Variants in CLSTN2 observed in about 807,000 individuals in gnomAD.
CLSTN2 encodes calsyntenin-2.
CLSTN2 carries 48 observed loss-of-function variants against 101.2 expected under a neutral mutation model. The ratio of observed to expected loss-of-function variants is 0.47; its 90% CI spans 0.38 to 0.60. CLSTN2 has a LOEUF of 0.60. Ranked by LOEUF, CLSTN2 falls within the 20% of genes least tolerant of loss-of-function variation. The pLI, the probability that CLSTN2 is intolerant of heterozygous loss-of-function variation, is 0.00. For synonymous variants in CLSTN2, 481 were observed against 463.6 expected (o/e 1.04, Z -0.48); for missense variants, 1,160 against 1,238.2 (o/e 0.94, Z 0.95).
chr3:139,935,584 T>G lies in CLSTN2; in HGVS notation c.109+101T>G, dbSNP rs1211692607. On this transcript the variant is annotated intron_variant, in intron 1 of 16. Transcript: ENST00000458420. This position sits in a 1 kb window ranked among gnomAD's most constrained non-coding sequence, Gnocchi z 5.5. ...AGGCTCAAGCTGGATTTGCCCACCC[T>G]CCCTTGCCGCAGCTTCTTTGGCCTC... 2 of 549,934 alleles carry G rather than the reference T, an allele frequency of 3.6e-6. No individual in the cohort carries two copies. Among genetic ancestry groups the G allele is most frequent in the Non-Finnish European group, 5.4e-6 (2 of 367,006 alleles). The allele number at this position is 549,934 out of a possible 1,614,324, so 34.1% of individuals were successfully genotyped here.
At chr3:140,344,615 T>C (rs557029968) in intron 2 of CLSTN2, among the ~76,000 whole-genome samples, 16 of 152,300 alleles carry the variant, frequency 1.1e-4, no homozygotes, top group African/African-American at 3.6e-4. Context: ...CTGACTAATT[T>C]CTACTCATCT....
intron 8 of CLSTN2, among the ~76,000 whole-genome samples, chr3:140,522,644 C>T (rs548606803): frequency 1.6e-3 from 242 of 152,346 alleles, no homozygotes; most frequent in Middle Eastern, 3.4e-3. Context: ...AGCCCAACCT[C>T]ACCTCCAGCC....
intron 8 of CLSTN2, among the ~76,000 whole-genome samples, chr3:140,496,210 T>C (rs1442732984): frequency 6.6e-6 from 1 of 152,196 alleles, no homozygotes; most frequent in Non-Finnish European, 1.5e-5. Context: ...TTAGGTATTT[T>C]ATTCTCTTTG....
At chr3:140,071,531 C>A (rs951028955) in intron 1 of CLSTN2, among the ~76,000 whole-genome samples, 3 of 152,094 alleles carry the variant, frequency 2.0e-5, no homozygotes, top group Admixed American at 6.6e-5. Flanking sequence ...TCCATACATA[C>A]ACAATAAAAA....
At chr3:140,097,692 CA>C (rs1409905679) in intron 1 of CLSTN2, among the ~76,000 whole-genome samples, 1 of 152,170 alleles carries the variant, frequency 6.6e-6, no homozygotes, top group Non-Finnish European at 1.5e-5. Flanking sequence ...GCGTCAATTG[CA>C]GTGCAGTTAC....
intron 1 of CLSTN2, among the ~76,000 whole-genome samples, chr3:139,950,417 A>G (rs1455903106): frequency 6.6e-6 from 1 of 152,148 alleles, no homozygotes; most frequent in Non-Finnish European, 1.5e-5. Context: ...TTTTCTCCAA[A>G]TAATGCTGCC....
At chr3:139,936,458 G>A (rs1371324489) in intron 1 of CLSTN2, among the ~76,000 whole-genome samples, 1 of 152,202 alleles carries the variant, frequency 6.6e-6, no homozygotes, top group East Asian at 1.9e-4. Context: ...CATAAGTAGG[G>A]CTTGCGTTTG....
intron 1 of CLSTN2, among the ~76,000 whole-genome samples, chr3:139,995,626 G>A (rs1936189922): frequency 6.6e-6 from 1 of 152,188 alleles, no homozygotes; most frequent in Non-Finnish European, 1.5e-5. Context: ...GGAGAGCTGT[G>A]TGGAAAAGGA....
chr3:140,129,694 G>C (rs1005345100), intron 1 of CLSTN2, among the ~76,000 whole-genome samples: 2 of 152,192 alleles, frequency 1.3e-5, no homozygotes, highest in Admixed American at 1.3e-4. Flanking sequence ...ATGAATGCAT[G>C]TATTGGGGAC....
chr3:140,143,904 C>G (rs147818814), intron 1 of CLSTN2, among the ~76,000 whole-genome samples: 1 of 152,206 alleles, frequency 6.6e-6, no homozygotes, highest in South Asian at 2.1e-4. Flanking sequence ...TGTCAGCTTC[C>G]GCTCTGTAGA....
In CLSTN2 at chr3:140,562,941, T is replaced by G. The variant is rs1025564288; in HGVS notation, c.2343T>G (p.Asn781Lys). The G allele has an allele frequency of 4.6e-5, 75 of 1,613,972 alleles. No homozygotes were observed. The highest frequency in any genetic ancestry group is 6.1e-5 in the Non-Finnish European group (72 of 1,179,998). ...AACTCAATGGGCGCTACACTAGCAATGAGTTCAACTTGGAGGTGAGTGGGT... is the reference window on the plus strand; with the variant it reads ...AACTCAATGGGCGCTACACTAGCAAGGAGTTCAACTTGGAGGTGAGTGGGT... ...CSELNGRYTSNEFNLEVSILH... is the reference protein window; with the variant it reads ...CSELNGRYTSKEFNLEVSILH... The change falls in exon 14 of 17, where the codon AAT becomes AAG. Residue 781 changes from asparagine (N) to lysine (K), a missense_variant. Transcript: ENST00000458420.
chr3:140,405,667 G>A (rs1451923829), intron 4 of CLSTN2, among the ~76,000 whole-genome samples: 1 of 152,146 alleles, frequency 6.6e-6, no homozygotes, highest in Non-Finnish European at 1.5e-5. Flanking sequence ...AAGCCATTTG[G>A]ACATTTCCCC....
chr3:139,968,866 C>T (rs909133270), intron 1 of CLSTN2, among the ~76,000 whole-genome samples: 4 of 152,236 alleles, frequency 2.6e-5, no homozygotes, highest in African/African-American at 9.6e-5. Flanking sequence ...TAAGTCGGTT[C>T]GCCAGCAACA....
chr3:140,037,315 C>T (rs542720311), intron 1 of CLSTN2, among the ~76,000 whole-genome samples: 3 of 152,160 alleles, frequency 2.0e-5, no homozygotes, highest in East Asian at 1.9e-4. Flanking sequence ...AAATATGTAG[C>T]CTGGATTGAT....
At chr3:140,410,038 G>C (rs915295862) in intron 4 of CLSTN2, among the ~76,000 whole-genome samples, 1 of 151,818 alleles carries the variant, frequency 6.6e-6, no homozygotes, top group African/African-American at 2.4e-5. Flanking sequence ...AATCAAGAAA[G>C]CCTACATAAT....
At chr3:140,413,329 T>G (rs1370886207) in intron 4 of CLSTN2, among the ~76,000 whole-genome samples, 1 of 152,136 alleles carries the variant, frequency 6.6e-6, no homozygotes, top group East Asian at 1.9e-4. Flanking sequence ...ACATGCAACC[T>G]TCCAAGACAG....
At chr3:140,264,744 G>C (rs2086681723) in intron 2 of CLSTN2, among the ~76,000 whole-genome samples, 1 of 152,116 alleles carries the variant, frequency 6.6e-6, no homozygotes, top group South Asian at 2.1e-4. Flanking sequence ...GGGACAGAGA[G>C]AGCAGAGTGA....
intron 2 of CLSTN2, among the ~76,000 whole-genome samples, chr3:140,400,226 C>G (rs571720069): frequency 6.6e-6 from 1 of 152,310 alleles, no homozygotes; most frequent in South Asian, 2.1e-4. Context: ...ACCTTGTTCT[C>G]ACTCTGAGTC....
At chr3:140,179,822 A>G (rs1269657147) in intron 2 of CLSTN2, among the ~76,000 whole-genome samples, 1 of 151,908 alleles carries the variant, frequency 6.6e-6, no homozygotes, top group Non-Finnish European at 1.5e-5. Context: ...TCTATTTCCA[A>G]TTCTCTTTTA....
Sources: gnomAD v4.1 joint callset for allele counts (sites outside exome capture counted in the v4.1 genomes callset) on GRCh38, gnomAD v4.1.1 for gene constraint, Gnocchi (gnomAD v3.1) non-coding constraint, MANE v1.5 for transcripts, NCBI Gene and HGNC (gene_info 2026-07-23, HGNC 2026-07-21) for gene names.